The following TSPAN18 variants were observed in gnomAD, a reference collection of about 807,000 sequenced individuals.
The protein encoded by TSPAN18 is tetraspanin-18.
A neutral mutation model predicts 27.3 loss-of-function variants in TSPAN18; 14 were observed. The ratio of observed to expected loss-of-function variants is 0.51; its 90% CI spans 0.34 to 0.80. TSPAN18 has a LOEUF of 0.80. TSPAN18 is among the 30% of genes least tolerant of loss of function. The pLI is 0.01. For missense variants in TSPAN18, 268 were observed against 323.9 expected, an observed-to-expected ratio of 0.83 and a Z score of 1.32; for synonymous variants, 143 against 136.5, an observed-to-expected ratio of 1.05 and a Z score of -0.33.
intron 8 of TSPAN18, among the ~76,000 whole-genome samples, chr11:44,922,820 C>T (rs1298231208): frequency 1.3e-5 from 2 of 151,966 alleles, no homozygotes; most frequent in African/African-American, 4.8e-5. Context: ...TCTAAGAAAC[C>T]TTTGGAGGCC....
At chr11:44,881,642 G>A (rs1006667705) in intron 3 of TSPAN18, among the ~76,000 whole-genome samples, 1 of 152,166 alleles carries the variant, frequency 6.6e-6, no homozygotes, top group Non-Finnish European at 1.5e-5. Context: ...GCAAGTGCCC[G>A]CTGTATGCCA....
Position 44,930,991 on chromosome 11 carries a change from G to T in TSPAN18, c.*1813G>T. ...GAGCCCCGTGTTCCCTGGCCTGTGC[G>T]TCTGCCCCCTTCTGAGATGCAGCCA... On this transcript the variant is annotated 3_prime_UTR_variant, in exon 10 of 10. Transcript: ENST00000520358. 1 of 474,224 alleles carries T rather than the reference G, an allele frequency of 2.1e-6. No individual in the cohort carries two copies. 29.4% of individuals were successfully genotyped at this position (474,224 alleles called of 1,614,324 possible). A position where few individuals can be genotyped will look rare whatever the true frequency, so the allele number is the denominator to read the frequency against.
At chr11:44,921,879 C>G (rs948204978) in intron 8 of TSPAN18, among the ~76,000 whole-genome samples, 5 of 152,226 alleles carry the variant, frequency 3.3e-5, no homozygotes, top group African/African-American at 7.2e-5. Context: ...AGGATGTCTC[C>G]TTTCCTCTCC....
In TSPAN18 at chr11:44,844,278, CT is replaced by C. The variant is rs112664612; in HGVS notation, c.-152-16040del. 8.4e-3 allele frequency among the ~76,000 whole-genome samples: 1,255 copies of C among 148,792 alleles called. 18 individuals are homozygous for C. Among genetic ancestry groups the C allele is most frequent in the African/African-American group, 0.028 (1,155 of 40,800 alleles). ...CTGTGGATGGACATTGGATCGTTTC[CT>C]TTTTTTTTTGGTGCTTATGATTAAA... is the stretch of plus-strand genomic sequence containing the variant. On this transcript the variant is annotated intron_variant, in intron 2 of 9. Transcript: ENST00000520358.
At chr11:44,743,307 T>C (rs1565129994) in intron 1 of TSPAN18, among the ~76,000 whole-genome samples, 1 of 151,920 alleles carries the variant, frequency 6.6e-6, no homozygotes, top group Non-Finnish European at 1.5e-5. Flanking sequence ...GTCTTTGGGG[T>C]GAAGAGCAGC....
At chr11:44,807,355 C>T (rs1373625334) in intron 2 of TSPAN18, among the ~76,000 whole-genome samples, 1 of 150,452 alleles carries the variant, frequency 6.6e-6, no homozygotes. Flanking sequence ...ATGGTGAAAC[C>T]CTGTCTCTAC....
At chr11:44,852,993 C>G (rs1223327061) in intron 2 of TSPAN18, among the ~76,000 whole-genome samples, 1 of 152,214 alleles carries the variant, frequency 6.6e-6, no homozygotes, top group African/African-American at 2.4e-5. Flanking sequence ...ACTGCTTCAT[C>G]AAAAGCTCAA....
intron 1 of TSPAN18, among the ~76,000 whole-genome samples, chr11:44,738,935 A>C (rs74980176): frequency 6.6e-6 from 1 of 152,190 alleles, no homozygotes; most frequent in Non-Finnish European, 1.5e-5. Context: ...TGTAAAACCC[A>C]GGTAGTCCGA....
intron 2 of TSPAN18, among the ~76,000 whole-genome samples, chr11:44,771,844 T>C (rs1563053): frequency 0.62 from 94,797 of 152,124 alleles, 31,598 homozygotes; most frequent in South Asian, 0.81. Context: ...CATTTTGATA[T>C]CAAAGACGGT....
chr11:44,892,417 G>T lies in TSPAN18; in HGVS notation c.-10-13990G>T, dbSNP rs150666812. ...TGGAGGTGGACGCTAGTGTCCTCAG[G>T]CCAAACACTCTTCCTAATGGAGTGA... is the stretch of plus-strand genomic sequence containing the variant. On this transcript the variant is annotated intron_variant, in intron 3 of 9. Transcript: ENST00000520358. Among the ~76,000 whole-genome samples, 873 of 152,318 alleles carry T rather than the reference G, an allele frequency of 5.7e-3. 13 individuals carry two copies. The highest frequency in any genetic ancestry group is 0.017 in the African/African-American group (692 of 41,568).
intron 2 of TSPAN18, among the ~76,000 whole-genome samples, chr11:44,771,214 G>A (rs371173603): frequency 3.3e-5 from 5 of 152,188 alleles, no homozygotes; most frequent in South Asian, 2.1e-4. Flanking sequence ...AGGGAAGGGC[G>A]GATATGCTGA....
chr11:44,923,457 G>A (rs1428445537), intron 8 of TSPAN18, among the ~76,000 whole-genome samples: 2 of 152,174 alleles, frequency 1.3e-5, no homozygotes, highest in Non-Finnish European at 2.9e-5. Context: ...AAACCGTCAC[G>A]GGGTGGAGAT....
chr11:44,912,447 C>T (rs928841106), intron 5 of TSPAN18, among the ~76,000 whole-genome samples: 1 of 152,034 alleles, frequency 6.6e-6, no homozygotes, highest in Non-Finnish European at 1.5e-5. Context: ...TAGGGCCCCG[C>T]CCACACAAGC....
At chr11:44,743,773 C>T (rs1399467999) in intron 1 of TSPAN18, among the ~76,000 whole-genome samples, 1 of 152,096 alleles carries the variant, frequency 6.6e-6, no homozygotes, top group African/African-American at 2.4e-5. Flanking sequence ...GATGGGCATG[C>T]CAGGTGCCTT....
intron 1 of TSPAN18, among the ~76,000 whole-genome samples, 179 bp downstream of exon 1, chr11:44,727,466 C>T (rs927755120): frequency 6.6e-6 from 1 of 152,154 alleles, no homozygotes; most frequent in African/African-American, 2.4e-5. Context: ...CACGCGGGGG[C>T]TGGGGGGCCG....
At chr11:44,904,009 G>T in intron 3 of TSPAN18, 1 of 380,134 alleles carries the variant, frequency 2.6e-6, no homozygotes, top group South Asian at 1.9e-5. Flanking sequence ...TATTTGTAGG[G>T]GTGGAGACTT....
At chr11:44,906,940 A>G (rs1859474995) in intron 4 of TSPAN18, among the ~76,000 whole-genome samples, 1 of 152,214 alleles carries the variant, frequency 6.6e-6, no homozygotes, top group Non-Finnish European at 1.5e-5. Flanking sequence ...CCTGCATTCA[A>G]ATTCCAGTGC....
rs1245122983 is a variant in TSPAN18, at chr11:44,824,847, C to A, written c.-152-35481C>A. Among the ~76,000 whole-genome samples, 4 of 152,330 alleles carry A rather than the reference C, an allele frequency of 2.6e-5. No homozygotes were observed. The East Asian group carries it at 7.7e-4, about 29-fold the overall frequency. On this transcript the variant is annotated intron_variant, in intron 2 of 9. Transcript: ENST00000520358. ...GATGCTTCTGCGGGGATGATGCTCT[C>A]ATTCATTCATTCACTCATGCTACAG... is the stretch of plus-strand genomic sequence containing the variant.
At chr11:44,823,978 A>G (rs1856982243) in intron 2 of TSPAN18, among the ~76,000 whole-genome samples, 1 of 152,116 alleles carries the variant, frequency 6.6e-6, no homozygotes. Context: ...CTCTGGAAAG[A>G]GGTACTAGAG....
Sources: allele counts gnomAD v4.1 joint callset (sites outside exome capture counted in the v4.1 genomes callset), GRCh38; gene constraint gnomAD v4.1.1; transcripts MANE v1.5; gene names NCBI Gene and HGNC (gene_info 2026-07-23, HGNC 2026-07-21).